Variants in TOMM40L observed in about 807,000 individuals in gnomAD.
TOMM40L encodes the protein mitochondrial import receptor subunit TOM40B.
In TOMM40L, 17 loss-of-function variants were observed where a neutral mutation model predicts 38.3. The ratio of observed to expected loss-of-function variants is 0.44; its 90% CI spans 0.30 to 0.67. The LOEUF is 0.67. TOMM40L is among the 30% of genes least tolerant of loss of function. The pLI, the probability that TOMM40L is intolerant of heterozygous loss-of-function variation, is 0.08. For missense variants in TOMM40L, 294 were observed against 390.0 expected, an observed-to-expected ratio of 0.75 and a Z score of 2.07; for synonymous variants, 151 against 150.2, an observed-to-expected ratio of 1.01 and a Z score of -0.04.
intron 1 of TOMM40L, 88 bp from the exon 2 acceptor site, chr1:161,226,267 G>A (rs1666337357): frequency 1.9e-6 from 1 of 536,454 alleles, no homozygotes; most frequent in African/African-American, 1.9e-5. Context: ...AGGGTGACAA[G>A]TGGGGGTGAG....
intron 8 of TOMM40L, 57 bp downstream of exon 8, chr1:161,228,561 C>A: frequency 1.3e-6 from 2 of 1,597,376 alleles, no homozygotes; most frequent in South Asian, 1.1e-5. Flanking sequence ...AACTTCTGTT[C>A]ATCTGGACCT....
At chr1:161,226,688 C>G in intron 2 of TOMM40L, 84 bp downstream of exon 2, 1 of 1,434,308 alleles carries the variant, frequency 7.0e-7, no homozygotes, top group Non-Finnish European at 9.6e-7. Context: ...GCGATGGGAG[C>G]AGGAAAGGGG....
At position 161,229,211 on chromosome 1, in the gene TOMM40L, G is replaced by A; in HGVS notation, c.*116G>A. 6.8e-7 allele frequency: 1 copy of A among 1,460,488 alleles called. No individual in the cohort carries two copies. Among genetic ancestry groups the A allele is most frequent in the Non-Finnish European group, 9.4e-7 (1 of 1,067,970 alleles). The allele number at this position is 1,460,488 out of a possible 1,614,324, so 90.5% of individuals were successfully genotyped here. Reference sequence around the variant, plus strand: ...GCTGGGTGATCTCTAGGACCCAGGAGCAGAGTGGTGGACAGGACCATGCCC... The same window carrying A: ...GCTGGGTGATCTCTAGGACCCAGGAACAGAGTGGTGGACAGGACCATGCCC... On this transcript the variant is annotated 3_prime_UTR_variant, in exon 10 of 10. Transcript: ENST00000367988.
chr1:161,227,070 G>A (rs1666394125), intron 3 of TOMM40L, 115 bp downstream of exon 3: 11 of 1,354,502 alleles, frequency 8.1e-6, no homozygotes, highest in Non-Finnish European at 1.0e-5. Flanking sequence ...AATGAGGGAG[G>A]ATGTGGGGTT....
At position 161,228,412 on chromosome 1, in the gene TOMM40L, A is replaced by C. The variant is rs756884199; in HGVS notation, c.608-16A>C. ...ACAGTTAACACTCCTTCCCCTCTGT[A>C]CTTTGGATTTTACAGCTGTACACTG... On this transcript the variant is annotated splice_polypyrimidine_tract_variant and intron_variant, in intron 7 of 9. Transcript: ENST00000367988. 6.2e-7 allele frequency: 1 copy of C among 1,613,934 alleles called. No individual in the cohort carries two copies. The highest frequency in any genetic ancestry group is 8.5e-7 in the Non-Finnish European group (1 of 1,179,952).
rs1666429214 is a variant in TOMM40L at position 161,227,582 on chromosome 1, A to C, written c.277-54A>C. 3 of 1,506,434 alleles carry C rather than the reference A, an allele frequency of 2.0e-6. No individual in the cohort carries two copies. In the South Asian group the frequency reaches 3.5e-5, roughly 17 times the overall value. 93.3% of individuals were successfully genotyped at this position (1,506,434 alleles called of 1,614,324 possible). ...TTAATGAAGTTCTATATTTGGGTTT[A>C]GGCTGAGTGGTGCCATCCGGCTCAG... is the stretch of plus-strand genomic sequence containing the variant. On this transcript the variant is annotated intron_variant, in intron 4 of 9. Coordinates refer to ENST00000367988, the MANE Select transcript of TOMM40L (RefSeq NM_032174.6).
intron 5 of TOMM40L, 64 bp from the exon 6 acceptor site, chr1:161,227,820 G>A (rs1666455979): frequency 6.2e-7 from 1 of 1,603,864 alleles, no homozygotes; most frequent in South Asian, 1.1e-5. Flanking sequence ...CTTGGAAGGA[G>A]GAGCAGAGTC....
Position 161,230,468 on chromosome 1 carries a change from G to A in TOMM40L, c.*1373G>A. 2.0e-6 allele frequency: 1 copy of A among 492,218 alleles called. No homozygotes were observed. Among genetic ancestry groups the A allele is most frequent in the East Asian group, 3.4e-5 (1 of 29,122 alleles). The allele number at this position is 492,218 out of a possible 1,614,324, so 30.5% of individuals were successfully genotyped here. A position where few individuals can be genotyped will look rare whatever the true frequency, so the allele number is the denominator to read the frequency against. On this transcript the variant is annotated 3_prime_UTR_variant, in exon 10 of 10. Transcript: ENST00000367988. Reference sequence around the variant, plus strand: ...CAATGGCGAGGAGAGGAAAGGCCAAGGGAAGAGAAAAGTCTGCGTTAGTCT... The same window carrying A: ...CAATGGCGAGGAGAGGAAAGGCCAAAGGAAGAGAAAAGTCTGCGTTAGTCT...
rs773358077 is a variant in TOMM40L, at chr1:161,228,519, C to T, written c.684+15C>T. On this transcript the variant is annotated intron_variant, in intron 8 of 9. Coordinates refer to ENST00000367988, the MANE Select transcript of TOMM40L (RefSeq NM_032174.6). ...CAAATGAACAGGTGAGACCTCTGATCTCATTCCCTCCTTGTCAGCAAGTCA... is the reference window on the plus strand; with the variant it reads ...CAAATGAACAGGTGAGACCTCTGATTTCATTCCCTCCTTGTCAGCAAGTCA... 7.4e-6 allele frequency: 12 copies of T among 1,613,590 alleles called. No individual in the cohort carries two copies. The highest frequency in any genetic ancestry group is 1.3e-5 in the African/African-American group (1 of 74,898).
Position 161,229,875 on chromosome 1 carries a change from A to C in TOMM40L, c.*780A>C, listed in dbSNP as rs1187983944. On this transcript the variant is annotated 3_prime_UTR_variant, in exon 10 of 10. Coordinates refer to ENST00000367988, the MANE Select transcript of TOMM40L (RefSeq NM_032174.6). ...GCTGGATTTGGTACCCGTAGGCCTC[A>C]TTAATGCTCCGGAGCTCAGCCAGCA... The C allele has an allele frequency of 1.9e-6, 3 of 1,614,106 alleles. No individual in the cohort carries two copies. The highest frequency in any genetic ancestry group is 1.1e-5 in the South Asian group (1 of 91,084).
chr1:161,226,277 G>A (rs1666338821), intron 1 of TOMM40L, 78 bp from the exon 2 acceptor site: 4 of 547,612 alleles, frequency 7.3e-6, no homozygotes, highest in Non-Finnish European at 1.3e-5. Flanking sequence ...GTGGGGGTGA[G>A]AGATCAAAGA....
chr1:161,229,183 C>T lies in TOMM40L; in HGVS notation c.*88C>T. On this transcript the variant is annotated 3_prime_UTR_variant, in exon 10 of 10. Transcript: ENST00000367988. The stretch of plus-strand genomic sequence containing the variant: ...GACTAGGCCCCTCTTCAGAGCCCAC[C>T]TTGCTGGGTGATCTCTAGGACCCAG... The T allele has an allele frequency of 1.3e-6, 2 of 1,587,970 alleles. No individual in the cohort carries two copies. Among genetic ancestry groups the T allele is most frequent in the Non-Finnish European group, 1.7e-6 (2 of 1,162,886 alleles).
Position 161,226,595 on chromosome 1 carries a change from C to G in TOMM40L, c.106C>G (p.Leu36Val). 6.2e-7 allele frequency: 1 copy of G among 1,613,990 alleles called. No homozygotes were observed. The highest frequency in any genetic ancestry group is 8.5e-7 in the Non-Finnish European group (1 of 1,179,952). The part of the protein sequence containing the change: ...NPGSFDELHR[L>V]CKDVFPAQME... ...TGGGAGCTTCGATGAGCTGCACCGT[C>G]TATGCAAAGGTGAGAACTTGGCACT... Residue 36 changes from leucine to valine, a missense_variant, in exon 2 of 10, where the codon CTA becomes GTA. Coordinates refer to ENST00000367988, the MANE Select transcript of TOMM40L (RefSeq NM_032174.6).
chr1:161,230,727 T>TAA lies in TOMM40L; in HGVS notation c.*1638_*1639dup, dbSNP rs201634883. ...CCTGAATTCCCTAAGGAAAGGACAG[T>TAA]AAAAAAACATTCCTCCCAAGCTCAA... On this transcript the variant is annotated 3_prime_UTR_variant, in exon 10 of 10. Transcript: ENST00000367988. The TAA allele has an allele frequency of 6.3e-7, 1 of 1,580,774 alleles. No homozygotes were observed. The highest frequency in any genetic ancestry group is 1.3e-5 in the African/African-American group (1 of 74,408).
rs760346591 is a variant in TOMM40L at position 161,228,806 on chromosome 1, T to C, written c.776T>C (p.Met259Thr). 4 of 1,614,070 alleles carry C rather than the reference T, an allele frequency of 2.5e-6. No individual in the cohort carries two copies. The highest frequency in any genetic ancestry group is 3.4e-6 in the Non-Finnish European group (4 of 1,179,982). Residue 259 changes from methionine (M) to threonine (T), a missense_variant, in exon 9 of 10, where the codon ATG (methionine) becomes ACG (threonine). Transcript: ENST00000367988. Reference protein sequence around the residue: ...GYHLTLPQANMVFRGLVDSNW... With the variant: ...GYHLTLPQANTVFRGLVDSNW... The stretch of plus-strand genomic sequence containing the variant: ...CACCTGACTCTGCCCCAGGCCAACA[T>C]GGTATTTAGAGGTGAGGGTTATTGG...
intron 3 of TOMM40L, 138 bp from the exon 4 acceptor site, chr1:161,227,120 C>A: frequency 8.6e-7 from 1 of 1,163,802 alleles, no homozygotes; most frequent in Non-Finnish European, 1.2e-6. Context: ...TGCTTTTAAT[C>A]CGATGACCTT....
rs1347878028 is a variant in TOMM40L, at chr1:161,229,237, T to C, written c.*142T>C. The stretch of plus-strand genomic sequence containing the variant: ...CAGAGTGGTGGACAGGACCATGCCC[T>C]CCTCAGAACTGGAGCTGCCACAGGG... On this transcript the variant is annotated 3_prime_UTR_variant, in exon 10 of 10. Coordinates refer to ENST00000367988, the MANE Select transcript of TOMM40L (RefSeq NM_032174.6). The C allele has an allele frequency of 5.0e-6, 6 of 1,211,624 alleles. No homozygotes were observed. Among genetic ancestry groups the C allele is most frequent in the Non-Finnish European group, 6.9e-6 (6 of 873,704 alleles). 75.1% of individuals were successfully genotyped at this position (1,211,624 alleles called of 1,614,324 possible).
chr1:161,228,795 C>T lies in TOMM40L; in HGVS notation c.765C>T (p.Pro255=). Residue 255 remains proline, a synonymous_variant, in exon 9 of 10, where the codon CCC becomes CCT. Transcript: ENST00000367988. The stretch of plus-strand genomic sequence containing the variant: ...CCTTTGGTTACCACCTGACTCTGCC[C>T]CAGGCCAACATGGTATTTAGAGGTG... ...TFSFGYHLTL[P]QANMVFRGLV... The T allele has an allele frequency of 1.2e-6, 2 of 1,614,112 alleles. No homozygotes were observed. The highest frequency in any genetic ancestry group is 1.3e-5 in the African/African-American group (1 of 75,012).
chr1:161,230,458 G>A lies in TOMM40L; in HGVS notation c.*1363G>A. ...GGAATTGGCCCAATGGCGAGGAGAG[G>A]AAAGGCCAAGGGAAGAGAAAAGTCT... On this transcript the variant is annotated 3_prime_UTR_variant, in exon 10 of 10. Coordinates refer to ENST00000367988, the MANE Select transcript of TOMM40L (RefSeq NM_032174.6). The A allele has an allele frequency of 4.2e-6, 2 of 473,000 alleles. No individual in the cohort carries two copies. Among genetic ancestry groups the A allele is most frequent in the African/African-American group, 2.0e-5 (1 of 49,972 alleles). 29.3% of individuals were successfully genotyped at this position (473,000 alleles called of 1,614,324 possible).
Sources: allele counts gnomAD v4.1 joint callset, GRCh38; gene constraint gnomAD v4.1.1; transcripts MANE v1.5; gene names NCBI Gene and HGNC (gene_info 2026-07-23, HGNC 2026-07-21).